LINGO1: variants seen among roughly 807,000 people sequenced by gnomAD.
LINGO1 encodes the protein leucine-rich repeat and immunoglobulin-like domain-containing nogo receptor-interacting protein 1.
In LINGO1, 11 loss-of-function variants were observed where a neutral mutation model predicts 37.3. The ratio of observed to expected loss-of-function variants is 0.29; its 90% CI spans 0.19 to 0.49. The LOEUF (loss-of-function observed/expected upper bound fraction) is 0.49, where lower values mean the gene tolerates loss of function less well. Among genes scored for constraint, LINGO1 ranks in the 20% least tolerant of loss-of-function variants. LINGO1 has a pLI of 0.99. For synonymous variants in LINGO1, 387 were observed against 403.0 expected, an observed-to-expected ratio of 0.96 and a Z score of 0.48; for missense variants, 585 against 878.2, an observed-to-expected ratio of 0.67 and a Z score of 4.22.
chr15:77,681,005 A>T (rs1260403305), intron 2 of LINGO1, among the ~76,000 whole-genome samples: 2 of 152,166 alleles, frequency 1.3e-5, no homozygotes, highest in Non-Finnish European at 2.9e-5. Flanking sequence ...TCCTGTTGAT[A>T]AACGCCCCTG....
chr15:77,613,856 A>G lies in LINGO1; in HGVS notation c.*188T>C. On this transcript the variant is annotated 3_prime_UTR_variant, in exon 2 of 2. Transcript: ENST00000355300. ...TGGGGTCCCCAGGTCTGGGCTTCTG[A>G]GGTCCTGGTAGAAGGAGGGCAGGTG... is the stretch of plus-strand genomic sequence containing the variant. 1.7e-6 allele frequency: 1 copy of G among 603,898 alleles called. No individual in the cohort carries two copies. The highest frequency in any genetic ancestry group is 2.9e-6 in the Non-Finnish European group (1 of 349,252). The allele number at this position is 603,898 out of a possible 1,614,324, so 37.4% of individuals were successfully genotyped here. A position where few individuals can be genotyped will look rare whatever the true frequency, so the allele number is the denominator to read the frequency against.
intron 1 of LINGO1, among the ~76,000 whole-genome samples, chr15:77,625,281 T>C (rs1017878162): frequency 2.6e-5 from 4 of 152,226 alleles, no homozygotes; most frequent in African/African-American, 4.8e-5. Context: ...AGAATGATGA[T>C]TGGTAAACCC....
At chr15:77,726,159 T>C (rs2076100089) in intron 2 of LINGO1, among the ~76,000 whole-genome samples, 1 of 152,178 alleles carries the variant, frequency 6.6e-6, no homozygotes, top group Non-Finnish European at 1.5e-5. Flanking sequence ...CCCAGACCAG[T>C]GTCCAGTGTT....
At chr15:77,700,254 T>C (rs1422210573), upstream of LINGO1, among the ~76,000 whole-genome samples, 1 of 152,128 alleles carries the variant, frequency 6.6e-6, no homozygotes, top group East Asian at 1.9e-4. Context: ...TCCCACTGTC[T>C]ACCAAGCTCT....
At chr15:77,698,601 G>C (rs2075727133), upstream of LINGO1, among the ~76,000 whole-genome samples, 1 of 152,194 alleles carries the variant, frequency 6.6e-6, no homozygotes, top group East Asian at 1.9e-4. Context: ...ATGAGCCTCA[G>C]TCTGGAGGAG....
chr15:77,696,181 G>C (rs1264688823), intron 1 of LINGO1: 2 of 152,242 alleles, frequency 1.3e-5, no homozygotes, highest in Non-Finnish European at 2.9e-5. Context: ...TCCAGGGAGG[G>C]GGCGGTGGGA....
At chr15:77,806,680 T>C (rs1290715615) in intron 1 of LINGO1, among the ~76,000 whole-genome samples, 1 of 152,034 alleles carries the variant, frequency 6.6e-6, no homozygotes, top group African/African-American at 2.4e-5. Context: ...GGACGCCTGC[T>C]TCCTCAGATA....
At chr15:77,621,315 A>G (rs2073911468) in intron 1 of LINGO1, among the ~76,000 whole-genome samples, 1 of 152,242 alleles carries the variant, frequency 6.6e-6, no homozygotes, top group Non-Finnish European at 1.5e-5. Context: ...TCAGCCTCCC[A>G]AAGTGCTGGG....
In LINGO1 at chr15:77,641,824, G is replaced by A. The variant is rs905854050; in HGVS notation, c.-12-25924C>T. 4.2e-5 allele frequency: 19 copies of A among 455,654 alleles called. 1 individual carries two copies. Among genetic ancestry groups the A allele is most frequent in the Non-Finnish European group, 6.6e-5 (15 of 226,894 alleles). The allele number at this position is 455,654 out of a possible 1,614,324, so 28.2% of individuals were successfully genotyped here. A position where few individuals can be genotyped will look rare whatever the true frequency, so the allele number is the denominator to read the frequency against. Reference sequence around the variant, plus strand: ...TCAGATAGCAGCTGGACAAACCTGCGACAGAGGATGTCAGAGGTCCTGCCC... The same window carrying A: ...TCAGATAGCAGCTGGACAAACCTGCAACAGAGGATGTCAGAGGTCCTGCCC... On this transcript the variant is annotated intron_variant, in intron 3 of 3. Coordinates refer to the LINGO1 transcript ENST00000559893.
chr15:77,693,531 A>G (rs554624532), intron 1 of LINGO1, among the ~76,000 whole-genome samples: 10 of 152,262 alleles, frequency 6.6e-5, no homozygotes, highest in African/African-American at 2.2e-4. Context: ...AGGGCTTTGG[A>G]TTTCATCCCA....
chr15:77,738,771 G>C (rs896576574), intron 1 of LINGO1, among the ~76,000 whole-genome samples: 1 of 150,182 alleles, frequency 6.7e-6, no homozygotes. Flanking sequence ...AAGGAAGGAA[G>C]GAAGGAAGGA....
intron 1 of LINGO1, among the ~76,000 whole-genome samples, chr15:77,750,531 C>G (rs1240518294): frequency 1.3e-5 from 2 of 152,158 alleles, no homozygotes; most frequent in African/African-American, 2.4e-5. Flanking sequence ...CCTGGGAGTT[C>G]CGGTGCGTGC....
intron 1 of LINGO1, among the ~76,000 whole-genome samples, chr15:77,809,487 C>T (rs1331341121): frequency 6.6e-6 from 1 of 152,226 alleles, no homozygotes; most frequent in African/African-American, 2.4e-5. Context: ...AACGTTCTTC[C>T]AGGTCCCTCT....
chr15:77,763,916 T>C (rs749765888), intron 1 of LINGO1, among the ~76,000 whole-genome samples: 1 of 152,020 alleles, frequency 6.6e-6, no homozygotes, highest in Non-Finnish European at 1.5e-5. Flanking sequence ...CCCTGGACAC[T>C]AATTAACCAC....
upstream of LINGO1, among the ~76,000 whole-genome samples, chr15:77,699,899 A>G (rs2075760865): frequency 6.6e-6 from 1 of 152,208 alleles, no homozygotes; most frequent in South Asian, 2.1e-4. Context: ...ACCAGCTGTT[A>G]GCAATGTGAT....
intron 1 of LINGO1, among the ~76,000 whole-genome samples, chr15:77,754,634 C>G (rs552646635): frequency 6.6e-6 from 1 of 152,254 alleles, no homozygotes; most frequent in East Asian, 1.9e-4. Flanking sequence ...CCAGCCTAGG[C>G]TGTGCTGGGG....
intron 1 of LINGO1, among the ~76,000 whole-genome samples, chr15:77,738,807 G>GGAA (rs1567555936): frequency 6.9e-6 from 1 of 145,576 alleles, no homozygotes; most frequent in African/African-American, 2.6e-5. Context: ...AAGGAAGGAA[G>GGAA]GAAGGAAAGA....
At chr15:77,724,730 C>T (rs1212132767) in intron 2 of LINGO1, among the ~76,000 whole-genome samples, 4 of 152,194 alleles carry the variant, frequency 2.6e-5, no homozygotes, top group African/African-American at 9.7e-5. Context: ...CACGAGCACC[C>T]AGGGCAGTAA....
chr15:77,757,008 G>C (rs978984626), intron 1 of LINGO1, among the ~76,000 whole-genome samples: 1 of 152,194 alleles, frequency 6.6e-6, no homozygotes, highest in African/African-American at 2.4e-5. Flanking sequence ...TACAGTCTGG[G>C]AGAGGCAGAG....
Sources: allele counts gnomAD v4.1 joint callset (sites outside exome capture counted in the v4.1 genomes callset), GRCh38; gene constraint gnomAD v4.1.1; transcripts MANE v1.5; gene names NCBI Gene and HGNC (gene_info 2026-07-23, HGNC 2026-07-21).